Variants in TECPR1 observed in about 807,000 individuals in gnomAD.
TECPR1 encodes the protein tectonin beta-propeller repeat containing 1, also known as tectonin beta-propeller repeat-containing protein 1.
Under a neutral mutation model 162.4 loss-of-function variants are expected in TECPR1, and 122 were observed. That is an observed-to-expected ratio of 0.75 (90% confidence interval 0.65 to 0.87). The LOEUF (loss-of-function observed/expected upper bound fraction) is 0.87. TECPR1 is among the 40% of genes least tolerant of loss of function. The pLI, the probability that TECPR1 is intolerant of heterozygous loss-of-function variation, is 0.00. For synonymous variants in TECPR1, 642 were observed against 670.6 expected (o/e 0.96, Z 0.66); for missense variants, 1,432 against 1,618.2 (o/e 0.88, Z 1.97).
Position 98,243,448 on chromosome 7 carries a change from G to C in TECPR1, c.657+19C>G, listed in dbSNP as rs1474120858. On this transcript the variant is annotated intron_variant, in intron 6 of 25. Coordinates refer to ENST00000447648, the MANE Select transcript of TECPR1 (RefSeq NM_015395.3). ...GTGGGATCGTGGGGAGCCAGGGCAG[G>C]GAGAGGGGTTGGCCTTACCTTGCCC... 7 of 1,611,376 alleles carry C rather than the reference G, an allele frequency of 4.3e-6. No homozygotes were observed. The highest frequency in any genetic ancestry group is 5.9e-6 in the Non-Finnish European group (7 of 1,179,620).
At chr7:98,239,568 A>G (rs1190846441) in intron 8 of TECPR1, among the ~76,000 whole-genome samples, 1 of 152,064 alleles carries the variant, frequency 6.6e-6, no homozygotes, top group Non-Finnish European at 1.5e-5. Flanking sequence ...TTAAAAAATA[A>G]AAAAAAGAAA....
In TECPR1 at chr7:98,217,507, G is replaced by C. The variant is rs745408371; in HGVS notation, c.3385-4C>G. The C allele has an allele frequency of 2.5e-6, 4 of 1,595,508 alleles. No individual in the cohort carries two copies. In the African/African-American group the frequency reaches 4.0e-5, roughly 16 times the overall value. On this transcript the variant is annotated splice_polypyrimidine_tract_variant and splice_region_variant and intron_variant, in intron 25 of 25. Coordinates refer to ENST00000447648, the MANE Select transcript of TECPR1 (RefSeq NM_015395.3). ...CAGAGATATGGTCCCAGCCTCCCTG[G>C]AAGGAGAGAGCTGTGTCACCAGGGG...
intron 21 of TECPR1, 109 bp downstream of exon 21, chr7:98,222,881 G>A (rs1798178729): frequency 7.1e-7 from 1 of 1,411,292 alleles, no homozygotes; most frequent in African/African-American, 1.4e-5. Context: ...TCGGACCACA[G>A]GCAGTGTCCA....
intron 16 of TECPR1, 159 bp downstream of exon 16, chr7:98,228,880 C>G: frequency 9.1e-7 from 1 of 1,104,358 alleles, no homozygotes; most frequent in Non-Finnish European, 1.3e-6. Flanking sequence ...AGGGACCATC[C>G]TGGGTGGAGG....
rs2116518327 is a variant in TECPR1, at chr7:98,217,308, G to A, written c.*82C>T. On this transcript the variant is annotated 3_prime_UTR_variant, in exon 26 of 26. Coordinates refer to ENST00000447648, the MANE Select transcript of TECPR1 (RefSeq NM_015395.3). ...CCACCTGGGCCACATTGCTCCCACGGTGCACACTCCAGCACAAGAATGGCT... is the reference window on the plus strand; with the variant it reads ...CCACCTGGGCCACATTGCTCCCACGATGCACACTCCAGCACAAGAATGGCT... The A allele has an allele frequency of 1.0e-6, 1 of 958,920 alleles. No homozygotes were observed. The highest frequency in any genetic ancestry group is 2.6e-5 in the East Asian group (1 of 38,136). The allele number at this position is 958,920 out of a possible 1,614,324, so 59.4% of individuals were successfully genotyped here.
intron 17 of TECPR1, chr7:98,226,536 C>A: frequency 9.6e-7 from 1 of 1,046,100 alleles, no homozygotes; most frequent in Non-Finnish European, 1.2e-6. Flanking sequence ...CCACACCCCA[C>A]ATGCTAATTG....
intron 2 of TECPR1, among the ~76,000 whole-genome samples, chr7:98,248,623 C>T (rs1661452207): frequency 6.7e-6 from 1 of 149,528 alleles, no homozygotes; most frequent in African/African-American, 2.5e-5. Flanking sequence ...GGATGGATCA[C>T]CTGATGCCAG....
rs772180002 is a variant in TECPR1 at position 98,246,014 on chromosome 7, A to G, written c.133T>C (p.Cys45Arg). ...FKRVSATTQC[C>R]WGIACDNQVY... ...TGGTTGTCACAGGCAATGCCCCAGC[A>G]GCACTGCGTGGTGGCGCTGACGCGC... The change falls in exon 3 of 26, where the codon TGC (cysteine) becomes CGC (arginine). Residue 45 changes from cysteine (C) to arginine (R), a missense_variant. Coordinates refer to ENST00000447648, the MANE Select transcript of TECPR1 (RefSeq NM_015395.3). 6.2e-7 allele frequency: 1 copy of G among 1,602,132 alleles called. No homozygotes were observed. Among genetic ancestry groups the G allele is most frequent in the Non-Finnish European group, 8.5e-7 (1 of 1,175,024 alleles).
At chr7:98,231,149 G>GCAGGC (rs749755477) in intron 14 of TECPR1, 31 bp from the exon 15 acceptor site, 7 of 1,604,424 alleles carry the variant, frequency 4.4e-6, no homozygotes, top group South Asian at 2.2e-5. Flanking sequence ...TCACTGCTGA[G>GCAGGC]CAGGCCAGGC....
chr7:98,240,974 C>T, intron 7 of TECPR1, 23 bp from the exon 8 acceptor site: 1 of 1,592,810 alleles, frequency 6.3e-7, no homozygotes. Context: ...CAAGAAACCC[C>T]CAGTGGCCCC....
chr7:98,242,727 G>C (rs1288496354), intron 6 of TECPR1, among the ~76,000 whole-genome samples: 7 of 34,544 alleles, frequency 2.0e-4, no homozygotes, highest in Admixed American at 4.1e-4. Flanking sequence ...ATCCATCCAT[G>C]CACACACCCA....
chr7:98,230,529 G>A (rs951308461), intron 15 of TECPR1, among the ~76,000 whole-genome samples: 1 of 152,150 alleles, frequency 6.6e-6, no homozygotes, highest in African/African-American at 2.4e-5. Flanking sequence ...TCCTCCCACA[G>A]CGGCTCTCTC....
chr7:98,233,786 T>A lies in TECPR1; in HGVS notation c.1307A>T (p.Asp436Val). 1.2e-6 allele frequency: 2 copies of A among 1,611,814 alleles called. No homozygotes were observed. The highest frequency in any genetic ancestry group is 1.7e-6 in the Non-Finnish European group (2 of 1,179,492). Residue 436 changes from aspartate to valine, a missense_variant, in exon 11 of 26, where the codon GAT becomes GTT. By Grantham distance (152) the Asp-to-Val change is radical. Coordinates refer to ENST00000447648, the MANE Select transcript of TECPR1 (RefSeq NM_015395.3). ...TGAGTTCCCTGTGGCATTCTTGGAA[T>A]CGTCTAGAGGTTCTGCAGGGAGAAT... ...GQILPAEPLDDSKNATGNSAS... is the reference protein window; with the variant it reads ...GQILPAEPLDVSKNATGNSAS...
At chr7:98,230,837 C>T in intron 15 of TECPR1, 124 bp downstream of exon 15, 3 of 1,298,224 alleles carry the variant, frequency 2.3e-6, no homozygotes, top group East Asian at 2.5e-5. Context: ...AGTGGCCGTG[C>T]CTCTGCCTGG....
Position 98,217,749 on chromosome 7 carries a change from A to G in TECPR1, c.3327T>C (p.His1109=). ...GCTCGTGAGGCTGCACGCCGGTGCG[A>G]TGACACACTGTCCCCCGGCTCAGGC... The part of the protein sequence containing the change: ...SHSLSRGTVC[H]RTGVQPHEPK... The change falls in exon 25 of 26, where the codon CAT becomes CAC. Residue 1109 remains histidine, a synonymous_variant. Coordinates refer to ENST00000447648, the MANE Select transcript of TECPR1 (RefSeq NM_015395.3). The G allele has an allele frequency of 6.4e-7, 1 of 1,550,656 alleles. No individual in the cohort carries two copies. Among genetic ancestry groups the G allele is most frequent in the South Asian group, 1.2e-5 (1 of 84,056 alleles).
chr7:98,233,986 G>A lies in TECPR1; in HGVS notation c.1182-75C>T, dbSNP rs1349708473. 2.8e-5 allele frequency: 40 copies of A among 1,453,530 alleles called. No individual in the cohort carries two copies. In the South Asian group the frequency reaches 3.9e-4, roughly 14 times the overall value. 90.0% of individuals were successfully genotyped at this position (1,453,530 alleles called of 1,614,324 possible). A position where few individuals can be genotyped will look rare whatever the true frequency, so the allele number is the denominator to read the frequency against. On this transcript the variant is annotated intron_variant, in intron 10 of 25. Coordinates refer to ENST00000447648, the MANE Select transcript of TECPR1 (RefSeq NM_015395.3). ...GCTGTCAGGCAGGCCCAGCTCCAGC[G>A]TGCTCCACCATGACTGCCTGTGGAA... is the stretch of plus-strand genomic sequence containing the variant.
intron 24 of TECPR1, 34 bp downstream of exon 24, chr7:98,217,902 C>T: frequency 1.9e-6 from 3 of 1,547,902 alleles, no homozygotes; most frequent in Non-Finnish European, 2.6e-6. Context: ...AACCAGAGCA[C>T]CCCAAGTGCC....
chr7:98,234,396 C>T (rs1288138732), intron 10 of TECPR1, among the ~76,000 whole-genome samples: 4 of 152,332 alleles, frequency 2.6e-5, no homozygotes, highest in Admixed American at 6.5e-5. Context: ...TCAAGTGATT[C>T]GCTGGGCTCA....
Position 98,218,031 on chromosome 7 carries a change from A to C in TECPR1, c.3169T>G (p.Tyr1057Asp), listed in dbSNP as rs1271497861. Residue 1057 changes from tyrosine (Y) to aspartate (D), a missense_variant, in exon 24 of 26, where the codon TAT becomes GAT. By Grantham distance (160) the Tyr-to-Asp change is radical. Coordinates refer to ENST00000447648, the MANE Select transcript of TECPR1 (RefSeq NM_015395.3). The part of the protein sequence containing the change: ...YALDENGNLW[Y>D]RQGITPSYPQ... The stretch of plus-strand genomic sequence containing the variant: ...TAGCTGGGCGTGATCCCTTGGCGAT[A>C]CCACAGGTTTCCTGGGGAGAAAAGC... 6.4e-7 allele frequency: 1 copy of C among 1,564,132 alleles called. No homozygotes were observed.
Sources: allele counts gnomAD v4.1 joint callset (sites outside exome capture counted in the v4.1 genomes callset), GRCh38; gene constraint gnomAD v4.1.1; transcripts MANE v1.5; gene names NCBI Gene and HGNC (gene_info 2026-07-23, HGNC 2026-07-21).